The following FAAH2 variants were observed in gnomAD, a reference collection of about 807,000 sequenced individuals.
FAAH2 encodes fatty-acid amide hydrolase 2.
Under a neutral mutation model 36.9 loss-of-function variants are expected in FAAH2, and 60 were observed. The observed-to-expected ratio is 1.63, with a 90% CI of 1.32 to 2.02. The LOEUF (loss-of-function observed/expected upper bound fraction) is 2.02. FAAH2 is among the 30% of genes most tolerant of loss of function. The pLI, the probability that FAAH2 is intolerant of heterozygous loss-of-function variation, is 0.00. For synonymous variants in FAAH2, 214 were observed against 143.8 expected, an observed-to-expected ratio of 1.49 and a Z score of -3.49; for missense variants, 689 against 397.5, an observed-to-expected ratio of 1.73 and a Z score of -6.23.
chrX:57,484,043 G>C (rs1297019813), intron 10 of FAAH2, among the ~76,000 whole-genome samples: 2 of 109,828 alleles, frequency 1.8e-5, no homozygotes, highest in African/African-American at 3.3e-5. Context: ...GACCTCAAGT[G>C]ATCCACCCGC....
the FAAH2 span, among the ~76,000 whole-genome samples, chrX:57,164,543 G>T: frequency 3.6e-5 from 4 of 111,966 alleles, no homozygotes; most frequent in Non-Finnish European, 7.5e-5. Context: ...AATATGAAAT[G>T]ATAAGTGTAA....
intron 5 of FAAH2, among the ~76,000 whole-genome samples, chrX:57,348,984 G>C (rs1206122483): frequency 9.6e-6 from 1 of 103,717 alleles, no homozygotes; most frequent in Non-Finnish European, 2.0e-5. Flanking sequence ...AAATAAAGAC[G>C]CTCAGTGAGA....
At chrX:57,131,079 C>CTTT in the FAAH2 span, among the ~76,000 whole-genome samples, 24 of 90,225 alleles carry the variant, frequency 2.7e-4, no homozygotes, top group African/African-American at 7.9e-4. Flanking sequence ...GGGCCTATTT[C>CTTT]TTTTTTTTTT....
chrX:57,445,946 C>T (rs1019134335), intron 8 of FAAH2, among the ~76,000 whole-genome samples: 1 of 112,361 alleles, frequency 8.9e-6, no homozygotes, highest in South Asian at 3.7e-4. Flanking sequence ...CTTCAGGCCT[C>T]GGGCCATGTT....
the FAAH2 span, chrX:57,229,286 A>G: frequency 9.0e-6 from 1 of 111,455 alleles, no homozygotes; most frequent in African/African-American, 3.3e-5. Flanking sequence ...AGGATGAAGA[A>G]AATTGTAATT....
intron 10 of FAAH2, chrX:57,452,017 C>T: frequency 5.1e-6 from 1 of 197,501 alleles, no homozygotes. Context: ...CCACGATTAT[C>T]AACATAACAC....
intron 3 of FAAH2, among the ~76,000 whole-genome samples, chrX:57,318,482 A>G (rs1287927526): frequency 8.9e-6 from 1 of 111,962 alleles, no homozygotes; most frequent in African/African-American, 3.2e-5. Context: ...GAAGAAGTCA[A>G]GTACCTGAAT....
At chrX:57,380,214 C>G (rs1207494532) in intron 6 of FAAH2, among the ~76,000 whole-genome samples, 1 of 110,452 alleles carries the variant, frequency 9.1e-6, no homozygotes, top group Non-Finnish European at 1.9e-5. Flanking sequence ...CTAGAAGGAC[C>G]TGGTTTACTT....
chrX:57,292,139 T>C (rs2052003237), intron 1 of FAAH2, among the ~76,000 whole-genome samples: 1 of 111,604 alleles, frequency 9.0e-6, no homozygotes, highest in South Asian at 3.7e-4. Flanking sequence ...AGTGTATTAC[T>C]GAAACAATAT....
chrX:57,276,549 C>T, the FAAH2 span, among the ~76,000 whole-genome samples: 1 of 110,843 alleles, frequency 9.0e-6, no homozygotes, highest in South Asian at 3.8e-4. Context: ...CAAAAGCTAC[C>T]CGAAGGGAAG....
At chrX:57,270,799 A>G in the FAAH2 span, among the ~76,000 whole-genome samples, 1 of 111,670 alleles carries the variant, frequency 9.0e-6, no homozygotes, top group African/African-American at 3.3e-5. Flanking sequence ...CAGCACAGAT[A>G]CTGAGCTTGT....
At chrX:57,168,441 T>C in the FAAH2 span, among the ~76,000 whole-genome samples, 2 of 111,673 alleles carry the variant, frequency 1.8e-5, no homozygotes, top group African/African-American at 6.5e-5. Context: ...CAACCATCTG[T>C]ACTTATTTAA....
At chrX:57,436,939 C>G (rs891273508) in intron 8 of FAAH2, among the ~76,000 whole-genome samples, 2 of 111,001 alleles carry the variant, frequency 1.8e-5, no homozygotes, top group Non-Finnish European at 3.8e-5. Flanking sequence ...CACAGAAAAA[C>G]TACAGATCAG....
the FAAH2 span, among the ~76,000 whole-genome samples, chrX:57,203,116 G>T: frequency 1.8e-5 from 2 of 111,683 alleles, no homozygotes; most frequent in Non-Finnish European, 3.8e-5. Flanking sequence ...GGAAATCAGG[G>T]GTCTCACAGC....
At chrX:57,486,351 G>T (rs1449357115) in intron 10 of FAAH2, among the ~76,000 whole-genome samples, 4 of 111,315 alleles carry the variant, frequency 3.6e-5, no homozygotes, top group Non-Finnish European at 7.5e-5. Flanking sequence ...GTGGGGTTGG[G>T]TGGGGCCAGA....
chrX:57,333,958 A>G (rs1363434147), intron 4 of FAAH2, among the ~76,000 whole-genome samples: 1 of 111,634 alleles, frequency 9.0e-6, no homozygotes, highest in Non-Finnish European at 1.9e-5. Flanking sequence ...TCTGTAGAAG[A>G]GCAAAGACAG....
chrX:57,250,153 C>T, the FAAH2 span, among the ~76,000 whole-genome samples: 2 of 111,925 alleles, frequency 1.8e-5, no homozygotes, highest in East Asian at 5.6e-4. Flanking sequence ...TTGGATACAG[C>T]AATAATTGTG....
At chrX:57,324,609 A>C (rs2053150978) in intron 3 of FAAH2, among the ~76,000 whole-genome samples, 1 of 111,814 alleles carries the variant, frequency 8.9e-6, no homozygotes, top group Non-Finnish European at 1.9e-5. Flanking sequence ...GCAATTGTGA[A>C]TGGGAGTTCA....
intron 7 of FAAH2, among the ~76,000 whole-genome samples, chrX:57,410,198 A>G (rs2055664731): frequency 9.0e-6 from 1 of 110,733 alleles, no homozygotes; most frequent in Admixed American, 9.7e-5. Flanking sequence ...ATTGATTTTT[A>G]GTTTCATAAC....
Sources: allele counts gnomAD v4.1 joint callset (sites outside exome capture counted in the v4.1 genomes callset), GRCh38; gene constraint gnomAD v4.1.1; transcripts MANE v1.5; gene names NCBI Gene and HGNC (gene_info 2026-07-23, HGNC 2026-07-21).